PRKAR1A: variants seen among roughly 807,000 people sequenced by gnomAD.
The protein encoded by PRKAR1A is protein kinase cAMP-dependent type I regulatory subunit alpha.
A neutral mutation model predicts 52.0 loss-of-function variants in PRKAR1A; 3 were observed. That is an observed-to-expected ratio of 0.06 (90% CI 0.03 to 0.15). The LOEUF (loss-of-function observed/expected upper bound fraction) is 0.15, where lower values mean the gene tolerates loss of function less well. PRKAR1A is among the 10% of genes least tolerant of loss of function. The pLI is 1.00. For missense variants in PRKAR1A, 240 were observed against 477.4 expected (o/e 0.50, Z 4.63); for synonymous variants, 188 against 168.4 (o/e 1.12, Z -0.90).
At chr17:68,539,947 A>G (rs2086215366) in intron 11 of PRKAR1A, 6 of 1,614,132 alleles carry the variant, frequency 3.7e-6, no homozygotes, top group Non-Finnish European at 5.1e-6. Context: ...ACATCTCATA[A>G]TGGTGCCGGT....
At chr17:68,471,906 T>C in the PRKAR1A span, among the ~76,000 whole-genome samples, 1 of 152,070 alleles carries the variant, frequency 6.6e-6, no homozygotes, top group Non-Finnish European at 1.5e-5. Flanking sequence ...GTTCAAGCCA[T>C]TCTCCTGCCT....
the PRKAR1A span, among the ~76,000 whole-genome samples, chr17:68,435,150 T>C: frequency 6.7e-6 from 1 of 149,704 alleles, no homozygotes; most frequent in East Asian, 2.0e-4. Context: ...GAGGTTGCAG[T>C]GAGCCGAGAT....
chr17:68,515,165 C>T (rs1019232608), intron 1 of PRKAR1A: 2 of 542,244 alleles, frequency 3.7e-6, no homozygotes, highest in African/African-American at 3.8e-5. Flanking sequence ...TATCGACTCT[C>T]ACTGTTGCCT....
chr17:68,467,816 C>G, the PRKAR1A span, among the ~76,000 whole-genome samples: 11 of 152,170 alleles, frequency 7.2e-5, no homozygotes, highest in African/African-American at 2.7e-4. Context: ...GATATGATTG[C>G]TTCCAAACTT....
intron 11 of PRKAR1A, among the ~76,000 whole-genome samples, chr17:68,545,613 T>A (rs1226278905): frequency 3.3e-5 from 5 of 152,178 alleles, no homozygotes; most frequent in Admixed American, 1.3e-4. Flanking sequence ...TGGCAACTTT[T>A]AAAAATAAGA....
chr17:68,434,556 CT>C, the PRKAR1A span: 1 of 1,613,886 alleles, frequency 6.2e-7, no homozygotes. Flanking sequence ...GAACACAGAC[CT>C]TTTCATCCCT....
chr17:68,455,225 T>G, the PRKAR1A span, among the ~76,000 whole-genome samples: 1 of 151,876 alleles, frequency 6.6e-6, no homozygotes, highest in Non-Finnish European at 1.5e-5. Context: ...TAGCTGAGTG[T>G]GGTGGTACAC....
the PRKAR1A span, chr17:68,427,214 A>T: frequency 6.2e-7 from 1 of 1,614,164 alleles, no homozygotes; most frequent in Middle Eastern, 1.6e-4. Context: ...GTCTGAGGTC[A>T]TTTTCTTTAT....
At chr17:68,535,744 C>G (rs558566550), downstream of PRKAR1A, 37 of 452,022 alleles carry the variant, frequency 8.2e-5, no homozygotes, top group African/African-American at 7.5e-4. Context: ...GCTCCTGAGA[C>G]CAAGCGATCT....
At chr17:68,514,934 C>A (rs1352674344) in intron 1 of PRKAR1A, 2 of 220,032 alleles carry the variant, frequency 9.1e-6, no homozygotes, top group South Asian at 6.3e-5. Flanking sequence ...ATAGAAGTTA[C>A]GTATAGGGAA....
the PRKAR1A span, among the ~76,000 whole-genome samples, chr17:68,433,760 GTTTTTTTTTTTTTTTT>G: frequency 5.9e-3 from 430 of 72,798 alleles, 8 homozygotes; most frequent in African/African-American, 9.6e-3. Flanking sequence ...AAGGGTCATA[GTTTTTTTTTTTTTTTT>G]TTTTTTTTTT....
the PRKAR1A span, among the ~76,000 whole-genome samples, chr17:68,444,920 T>G: frequency 7.0e-6 from 1 of 141,864 alleles, no homozygotes; most frequent in East Asian, 2.0e-4. Context: ...GAACACTTTT[T>G]TTTTTTTTTT....
chr17:68,451,008 C>G, the PRKAR1A span: 3 of 1,416,176 alleles, frequency 2.1e-6, no homozygotes, highest in Non-Finnish European at 2.8e-6. Flanking sequence ...TTCTCCGGGT[C>G]TTGCCGGCCA....
At chr17:68,537,546 C>G (rs773992729), downstream of PRKAR1A, 3 of 1,613,614 alleles carry the variant, frequency 1.9e-6, no homozygotes, top group African/African-American at 2.7e-5. The surrounding 1 kb of genome is among the most constrained non-coding windows in gnomAD (Gnocchi z 4.2). Context: ...CTATGACACT[C>G]TGCTGTCCAT....
chr17:68,451,132 TAAAGA>T, the PRKAR1A span, among the ~76,000 whole-genome samples: 2 of 152,166 alleles, frequency 1.3e-5, no homozygotes, highest in African/African-American at 2.4e-5. Flanking sequence ...ATATCTAAAG[TAAAGA>T]AAACACTAGT....
the PRKAR1A span, among the ~76,000 whole-genome samples, chr17:68,449,801 T>G: frequency 6.6e-6 from 1 of 152,298 alleles, no homozygotes; most frequent in South Asian, 2.1e-4. Context: ...CTCCGGTAGT[T>G]CTTTAGAGTA....
In PRKAR1A at chr17:68,531,619, T is replaced by C; in HGVS notation, c.*1170T>C. The C allele has an allele frequency of 9.4e-7, 1 of 1,066,384 alleles. No individual in the cohort carries two copies. Among genetic ancestry groups the C allele is most frequent in the Non-Finnish European group, 1.1e-6 (1 of 879,656 alleles). The allele number at this position is 1,066,384 out of a possible 1,614,324, so 66.1% of individuals were successfully genotyped here. The stretch of plus-strand genomic sequence containing the variant: ...CTGGTGGGTTGATGGTAGGGTATAA[T>C]GTGTCTGTGTTGCTTCAAATTGGTC... On this transcript the variant is annotated 3_prime_UTR_variant, in exon 11 of 11. Coordinates refer to ENST00000589228, the MANE Select transcript of PRKAR1A (RefSeq NM_002734.5).
chr17:68,439,677 G>A, the PRKAR1A span, among the ~76,000 whole-genome samples: 1,053 of 152,288 alleles, frequency 6.9e-3, 30 homozygotes, highest in East Asian at 0.067. Flanking sequence ...CATGTTTCAG[G>A]AATATTTATC....
chr17:68,487,768 C>T, the PRKAR1A span, among the ~76,000 whole-genome samples: 2 of 150,422 alleles, frequency 1.3e-5, no homozygotes, highest in Non-Finnish European at 3.0e-5. Context: ...CCACTGCACT[C>T]CAGCCTGGGC....
Sources: gnomAD v4.1 joint callset for allele counts (sites outside exome capture counted in the v4.1 genomes callset) on GRCh38, gnomAD v4.1.1 for gene constraint, Gnocchi (gnomAD v3.1) non-coding constraint, MANE v1.5 for transcripts, NCBI Gene and HGNC (gene_info 2026-07-23, HGNC 2026-07-21) for gene names.